The following PCDHA10 variants were observed in gnomAD, a reference collection of about 807,000 sequenced individuals.
PCDHA10 encodes protocadherin alpha 10.
In PCDHA10, 45 loss-of-function variants were observed where a neutral mutation model predicts 61.2. That is an observed-to-expected ratio of 0.74 (90% CI 0.58 to 0.94). The LOEUF (loss-of-function observed/expected upper bound fraction) is 0.94, where lower values mean the gene tolerates loss of function less well. PCDHA10 is among the 40% of genes least tolerant of loss of function. PCDHA10 has a pLI of 0.00. For synonymous variants in PCDHA10, 602 were observed against 548.8 expected, an observed-to-expected ratio of 1.10 and a Z score of -1.35; for missense variants, 1,278 against 1,236.2, an observed-to-expected ratio of 1.03 and a Z score of -0.51.
intron 3 of PCDHA10, among the ~76,000 whole-genome samples, chr5:141,001,514 C>A (rs2098022369): frequency 6.6e-6 from 1 of 152,210 alleles, no homozygotes; most frequent in Admixed American, 6.5e-5. Flanking sequence ...GCTTAGCTTT[C>A]TCCCTCTCTC....
intron 1 of PCDHA10, chr5:140,860,142 T>C (rs1288609086): frequency 1.3e-5 from 2 of 149,904 alleles, no homozygotes; most frequent in Admixed American, 6.7e-5. Flanking sequence ...TGTATATATA[T>C]GTATATATGT....
At chr5:140,995,924 G>A (rs998405229) in intron 3 of PCDHA10, among the ~76,000 whole-genome samples, 16 of 152,308 alleles carry the variant, frequency 1.1e-4, no homozygotes, top group African/African-American at 3.8e-4. Flanking sequence ...ATAGGCTGTT[G>A]TAAGTATTAA....
rs551967990 is a variant in PCDHA10 at position 140,858,294 on chromosome 5, C to G, written c.2246C>G (p.Ser749Trp). Reference protein sequence around the residue: ...CSSAVGSWSYSQQRRQRVCSG... With the variant: ...CSSAVGSWSYWQQRRQRVCSG... ...AGCGCGGTGGGGAGCTGGTCTTACTCGCAGCAGAGGCGGCAGAGGGTGTGT... is the reference window on the plus strand; with the variant it reads ...AGCGCGGTGGGGAGCTGGTCTTACTGGCAGCAGAGGCGGCAGAGGGTGTGT... Residue 749 changes from serine to tryptophan, a missense_variant, in exon 1 of 4, where the codon TCG becomes TGG. By Grantham distance (177) the Ser-to-Trp change is radical (BLOSUM62 -3). Transcript: ENST00000307360. 3 of 1,597,466 alleles carry G rather than the reference C, an allele frequency of 1.9e-6. No individual in the cohort carries two copies. The African/African-American group carries it at 4.0e-5, about 21-fold the overall frequency.
chr5:140,874,152 T>C (rs1416330070), intron 1 of PCDHA10, among the ~76,000 whole-genome samples: 1 of 152,228 alleles, frequency 6.6e-6, no homozygotes, highest in African/African-American at 2.4e-5. Context: ...TGTAGAGCCA[T>C]TCTTGGTTAC....
At chr5:141,006,222 T>C (rs1463720721) in intron 3 of PCDHA10, among the ~76,000 whole-genome samples, 1 of 152,098 alleles carries the variant, frequency 6.6e-6, no homozygotes, top group Non-Finnish European at 1.5e-5. Flanking sequence ...TTTTAAATTT[T>C]TTATTTTTAG....
rs552420407 is a variant in PCDHA10, at chr5:140,883,937, G to A, written c.2388+25501G>A. Reference sequence around the variant, plus strand: ...CGTGACGCTGCAGGTGTTCGTGCTGGACGAGAACGACAACGCTCCGGCGCT... The same window carrying A: ...CGTGACGCTGCAGGTGTTCGTGCTGAACGAGAACGACAACGCTCCGGCGCT... On this transcript the variant is annotated intron_variant, in intron 1 of 3. Transcript: ENST00000307360. The A allele has an allele frequency of 5.6e-6, 9 of 1,613,414 alleles. 1 individual carries two copies. The South Asian group carries it at 9.9e-5, about 18-fold the overall frequency.
At chr5:140,911,744 C>T (rs758009837) in intron 1 of PCDHA10, among the ~76,000 whole-genome samples, 2 of 151,280 alleles carry the variant, frequency 1.3e-5, no homozygotes, top group Non-Finnish European at 2.9e-5. Flanking sequence ...CAAGGACTAT[C>T]AGTGTTCTCC....
intron 3 of PCDHA10, among the ~76,000 whole-genome samples, chr5:140,994,044 G>C (rs782758789): frequency 9.9e-5 from 15 of 152,240 alleles, no homozygotes; most frequent in Middle Eastern, 3.4e-3. Flanking sequence ...ATATAACACA[G>C]TCCTGCCCTT....
At chr5:140,979,318 T>C (rs2096844474) in intron 2 of PCDHA10, among the ~76,000 whole-genome samples, 1 of 152,196 alleles carries the variant, frequency 6.6e-6, no homozygotes, top group Non-Finnish European at 1.5e-5. Context: ...CTACCTATGC[T>C]TTCTTTTCCT....
At chr5:140,977,043 T>G (rs2096743110) in intron 1 of PCDHA10, among the ~76,000 whole-genome samples, 1 of 152,226 alleles carries the variant, frequency 6.6e-6, no homozygotes. Flanking sequence ...AGGATGTTGT[T>G]GCTGATGGAC....
intron 3 of PCDHA10, among the ~76,000 whole-genome samples, chr5:140,985,189 G>A (rs1440212716): frequency 3.3e-5 from 5 of 152,004 alleles, no homozygotes; most frequent in African/African-American, 9.7e-5. Context: ...CGCCTGCCTC[G>A]GTCTCCCAAA....
intron 1 of PCDHA10, chr5:140,875,473 A>G (rs782269579): frequency 6.2e-6 from 10 of 1,606,342 alleles, no homozygotes; most frequent in Non-Finnish European, 8.5e-6. Flanking sequence ...ATTTTCTGCA[A>G]TGGTGATTAT....
chr5:140,930,747 CAT>C (rs2087070106), intron 1 of PCDHA10, among the ~76,000 whole-genome samples: 1 of 152,116 alleles, frequency 6.6e-6, no homozygotes, highest in Non-Finnish European at 1.5e-5. Context: ...AATAAATTTA[CAT>C]ATGTTAAAAT....
rs1554151138 is a variant in PCDHA10, at chr5:140,858,086, C to A, written c.2038C>A (p.Arg680=). The A allele has an allele frequency of 2.5e-6, 4 of 1,597,802 alleles. 1 individual carries two copies. Among genetic ancestry groups the A allele is most frequent in the Non-Finnish European group, 2.6e-6 (3 of 1,167,670 alleles). The change falls in exon 1 of 4, where the codon CGG becomes AGG. Residue 680 remains arginine (R), a synonymous_variant. Transcript: ENST00000307360. The stretch of plus-strand genomic sequence containing the variant: ...CAGCCAGGCACCCAAGGCCTCGTCG[C>A]GGGCTTCAGTGGGCGTGGCGCCCGA... ...EGSQAPKASS[R]ASVGVAPEVA... is the part of the protein sequence containing the mutation.
chr5:140,909,397 G>C (rs564100527), intron 1 of PCDHA10, among the ~76,000 whole-genome samples: 1 of 152,320 alleles, frequency 6.6e-6, no homozygotes, highest in East Asian at 1.9e-4. Flanking sequence ...TACAGCAGCT[G>C]CAATTGCAGT....
rs1256461262 is a variant in PCDHA10, at chr5:140,982,640, A to T, written c.2536+77A>T. On this transcript the variant is annotated intron_variant, in intron 3 of 3. Transcript: ENST00000307360. ...ATGACCTACTTTTGTAAGATCAGGA[A>T]TGTTGATGGCTCTTTTTCTTTTATA... 3 of 1,544,442 alleles carry T rather than the reference A, an allele frequency of 1.9e-6. No individual in the cohort carries two copies. The African/African-American group carries it at 4.2e-5, about 21-fold the overall frequency.
At chr5:140,882,049 T>G in intron 1 of PCDHA10, 2 of 752,814 alleles carry the variant, frequency 2.7e-6, no homozygotes, top group Non-Finnish European at 4.1e-6. Context: ...TGAGTCATAC[T>G]TACACTTACA....
chr5:140,928,126 C>G (rs782461261), intron 1 of PCDHA10: 1 of 1,614,058 alleles, frequency 6.2e-7, no homozygotes, highest in African/African-American at 1.3e-5. Context: ...CAGTGAATAC[C>G]AAGTCCTGAT....
intron 1 of PCDHA10, chr5:140,869,184 G>C: frequency 6.2e-7 from 1 of 1,613,954 alleles, no homozygotes; most frequent in Non-Finnish European, 8.5e-7. Context: ...GGGAGGTGGG[G>C]AGCGGCCAGC....
Sources: gnomAD v4.1 joint callset for allele counts (sites outside exome capture counted in the v4.1 genomes callset) on GRCh38, gnomAD v4.1.1 for gene constraint, MANE v1.5 for transcripts, NCBI Gene and HGNC (gene_info 2026-07-23, HGNC 2026-07-21) for gene names.